Variants in MIER3 observed in about 807,000 individuals in gnomAD.
MIER3 encodes the protein MIER family member 3.
MIER3 carries 9 observed loss-of-function variants against 63.2 expected under a neutral mutation model. That is an observed-to-expected ratio of 0.14 (90% CI 0.09 to 0.25). The LOEUF is 0.25. Among genes scored for constraint, MIER3 ranks in the 10% least tolerant of loss-of-function variants. MIER3 has a pLI of 1.00. For synonymous variants in MIER3, 205 were observed against 224.9 expected, an observed-to-expected ratio of 0.91 and a Z score of 0.79; for missense variants, 512 against 666.2, an observed-to-expected ratio of 0.77 and a Z score of 2.55.
chr5:56,921,043 G>GA lies in MIER3; in HGVS notation c.*2084dup, dbSNP rs1749648480. 6.6e-6 allele frequency: 1 copy of GA among 152,458 alleles called. No homozygotes were observed. 9.4% of individuals were successfully genotyped at this position (152,458 alleles called of 1,614,324 possible). On this transcript the variant is annotated 3_prime_UTR_variant, in exon 13 of 13. Coordinates refer to ENST00000381199, the MANE Select transcript of MIER3 (RefSeq NM_001297599.2). Reference sequence around the variant, plus strand: ...TGCTGATAATCAAAACTTTAGATAAGAAACACTGTTTCCATCTTATATCAA... The same window carrying GA: ...TGCTGATAATCAAAACTTTAGATAAGAAAACACTGTTTCCATCTTATATCAA...
At position 56,924,050 on chromosome 5, in the gene MIER3, A is replaced by C; in HGVS notation, c.925-8T>G. On this transcript the variant is annotated splice_polypyrimidine_tract_variant and splice_region_variant and intron_variant, in intron 10 of 12. Transcript: ENST00000381199. ...AACTGTCCTAGTTCTCACCTAATGA[A>C]AAAGTTGAATTTTTAAAAAACCAAC... 1 of 1,586,668 alleles carries C rather than the reference A, an allele frequency of 6.3e-7. No individual in the cohort carries two copies. The highest frequency in any genetic ancestry group is 1.2e-5 in the South Asian group (1 of 85,834).
chr5:56,925,347 T>G (rs1371614277), intron 10 of MIER3: 1 of 454,684 alleles, frequency 2.2e-6, no homozygotes, highest in South Asian at 1.6e-5. Context: ...CATGACTGTC[T>G]ACGTAGAAAA....
intron 3 of MIER3, among the ~76,000 whole-genome samples, chr5:56,942,588 T>A (rs1757463862): frequency 1.3e-5 from 2 of 151,770 alleles, no homozygotes; most frequent in Admixed American, 6.6e-5. Context: ...TGGGTTTGAG[T>A]GAGAACACCC....
At chr5:56,950,578 C>A in intron 2 of MIER3, 50 bp downstream of exon 2, 1 of 1,596,102 alleles carries the variant, frequency 6.3e-7, no homozygotes, top group Non-Finnish European at 8.6e-7. Flanking sequence ...GACCTTTGAG[C>A]CCACATTACC....
chr5:56,934,142 GTTC>G, intron 7 of MIER3, among the ~76,000 whole-genome samples: 1 of 152,082 alleles, frequency 6.6e-6, no homozygotes, highest in African/African-American at 2.4e-5. Flanking sequence ...AGTGCAATCT[GTTC>G]TTCAAGTGCA....
intron 2 of MIER3, among the ~76,000 whole-genome samples, chr5:56,949,227 G>A (rs944171401): frequency 3.3e-5 from 5 of 151,942 alleles, no homozygotes; most frequent in East Asian, 1.9e-4. Context: ...GTGTGGTGGC[G>A]CATCCCTGTA....
chr5:56,944,934 C>T (rs909300294), intron 3 of MIER3, among the ~76,000 whole-genome samples: 1 of 151,942 alleles, frequency 6.6e-6, no homozygotes, highest in African/African-American at 2.4e-5. Flanking sequence ...TGGGCTCAAG[C>T]GATCATCCCA....
chr5:56,938,811 A>C, intron 4 of MIER3, 72 bp downstream of exon 4: 1 of 1,526,332 alleles, frequency 6.6e-7, no homozygotes, highest in Non-Finnish European at 8.9e-7. Context: ...TTATTAAATA[A>C]TACTTTAAAT....
chr5:56,941,163 C>T, intron 3 of MIER3: 3 of 985,160 alleles, frequency 3.0e-6, no homozygotes, highest in Non-Finnish European at 3.6e-6. Flanking sequence ...GAGTAAGTCT[C>T]AAAGTCTGTA....
chr5:56,940,828 G>C (rs192941016), intron 3 of MIER3, among the ~76,000 whole-genome samples: 170 of 152,282 alleles, frequency 1.1e-3, no homozygotes, highest in African/African-American at 3.8e-3. Flanking sequence ...TCTCTCTACA[G>C]TCCTATCTTG....
At chr5:56,931,764 GAAT>G (rs1357695252) in intron 8 of MIER3, among the ~76,000 whole-genome samples, 1 of 151,862 alleles carries the variant, frequency 6.6e-6, no homozygotes, top group African/African-American at 2.4e-5. Flanking sequence ...CATAAAGCAG[GAAT>G]AATAATGGTA....
chr5:56,930,636 C>A, intron 9 of MIER3, 28 bp downstream of exon 9: 1 of 1,585,866 alleles, frequency 6.3e-7, no homozygotes, highest in Non-Finnish European at 8.7e-7. Context: ...CCTGTCATGT[C>A]CCTCTCTTAA....
At position 56,948,407 on chromosome 5, in the gene MIER3, T is replaced by C. The variant is rs557306016; in HGVS notation, c.35-1336A>G. Reference sequence around the variant, plus strand: ...AGGCCGGGGTGGTGGCTCATGCCTGTAATCCCAGCACTTTGGGAGGCCGAA... The same window carrying C: ...AGGCCGGGGTGGTGGCTCATGCCTGCAATCCCAGCACTTTGGGAGGCCGAA... On this transcript the variant is annotated intron_variant, in intron 2 of 12. Transcript: ENST00000381199. Among the ~76,000 whole-genome samples, 22 of 152,332 alleles carry C rather than the reference T, an allele frequency of 1.4e-4. No individual in the cohort carries two copies. The South Asian group carries it at 2.7e-3, about 19-fold the overall frequency.
intron 1 of MIER3, among the ~76,000 whole-genome samples, chr5:56,950,870 G>A (rs1214991101): frequency 6.6e-6 from 1 of 152,048 alleles, no homozygotes; most frequent in African/African-American, 2.4e-5. Flanking sequence ...TCACAGACCC[G>A]GGACGAAGCC....
chr5:56,952,168 C>A (rs958136776), upstream of MIER3: 20 of 1,151,584 alleles, frequency 1.7e-5, no homozygotes, highest in African/African-American at 3.0e-4. Flanking sequence ...CTGAGCCAAT[C>A]GCAGCCGCCG....
intron 2 of MIER3, among the ~76,000 whole-genome samples, chr5:56,947,968 T>A (rs1365461605): frequency 2.6e-5 from 4 of 152,250 alleles, no homozygotes; most frequent in Non-Finnish European, 5.9e-5. Flanking sequence ...CCACTTGTTT[T>A]ACTCTAGTAT....
chr5:56,948,010 A>T (rs1391025140), intron 2 of MIER3, among the ~76,000 whole-genome samples: 1 of 152,216 alleles, frequency 6.6e-6, no homozygotes, highest in Non-Finnish European at 1.5e-5. Flanking sequence ...CCCTCAGAGC[A>T]AGGAAGGAAA....
Position 56,930,747 on chromosome 5 carries a change from TG to T in MIER3, c.748-3del. 1 of 1,611,100 alleles carries T rather than the reference TG, an allele frequency of 6.2e-7. No homozygotes were observed. On this transcript the variant is annotated splice_region_variant and splice_polypyrimidine_tract_variant and intron_variant, in intron 8 of 12. Coordinates refer to ENST00000381199, the MANE Select transcript of MIER3 (RefSeq NM_001297599.2). Reference sequence around the variant, plus strand: ...ACACTTGAGAAGTTCATATAATGCCTGGGATGGATATTCAATAAAAAGTATT... The same window carrying T: ...ACACTTGAGAAGTTCATATAATGCCTGGATGGATATTCAATAAAAAGTATT...
intron 10 of MIER3, 139 bp downstream of exon 10, chr5:56,928,628 A>G (rs954632491): frequency 1.1e-5 from 6 of 554,990 alleles, no homozygotes; most frequent in African/African-American, 1.9e-5. Flanking sequence ...TGAGCAAATT[A>G]GTCATGTTAG....
Sources: allele counts gnomAD v4.1 joint callset (sites outside exome capture counted in the v4.1 genomes callset), GRCh38; gene constraint gnomAD v4.1.1; transcripts MANE v1.5; gene names NCBI Gene and HGNC (gene_info 2026-07-23, HGNC 2026-07-21).